HMGN5: variants seen among roughly 807,000 people sequenced by gnomAD.
HMGN5 encodes the protein high mobility group nucleosome-binding domain-containing protein 5.
A neutral mutation model predicts 9.5 loss-of-function variants in HMGN5; 4 were observed. The observed-to-expected ratio is 0.42, with a 90% CI of 0.21 to 0.96. The LOEUF is 0.96. Among genes scored for constraint, HMGN5 ranks in the 40% least tolerant of loss-of-function variants. The pLI, the probability that HMGN5 is intolerant of heterozygous loss-of-function variation, is 0.30. For synonymous variants in HMGN5, 55 were observed against 57.1 expected, an observed-to-expected ratio of 0.96 and a Z score of 0.16; for missense variants, 192 against 187.5, an observed-to-expected ratio of 1.02 and a Z score of -0.14.
chrX:81,172,638 G>GT (rs1340053113), intron 1 of HMGN5, among the ~76,000 whole-genome samples: 1 of 109,261 alleles, frequency 9.2e-6, no homozygotes, highest in African/African-American at 3.3e-5. Context: ...TTAAACTTTG[G>GT]TAAAAAGTCC....
intron 1 of HMGN5, among the ~76,000 whole-genome samples, chrX:81,153,129 A>G (rs1397979194): frequency 9.2e-6 from 1 of 109,059 alleles, no homozygotes; most frequent in Non-Finnish European, 1.9e-5. Context: ...CATGTACCCT[A>G]AAACTTAAAG....
intron 1 of HMGN5, among the ~76,000 whole-genome samples, chrX:81,140,331 C>T (rs1056564738): frequency 9.0e-6 from 1 of 110,582 alleles, no homozygotes. Flanking sequence ...GAGGCCGAGG[C>T]GGGCGGATCA....
chrX:81,158,034 C>A (rs1159515490), intron 1 of HMGN5, among the ~76,000 whole-genome samples: 1 of 111,221 alleles, frequency 9.0e-6, no homozygotes, highest in Non-Finnish European at 1.9e-5. Context: ...CCTGCCTCGG[C>A]CTCCCAAAGT....
chrX:81,168,688 C>T (rs948289641), intron 1 of HMGN5, among the ~76,000 whole-genome samples: 48 of 111,798 alleles, frequency 4.3e-4, no homozygotes, highest in African/African-American at 1.5e-3. Flanking sequence ...CACTTACATC[C>T]TATATAGTGG....
chrX:81,139,159 T>C (rs964057533), intron 1 of HMGN5, among the ~76,000 whole-genome samples: 1 of 112,398 alleles, frequency 8.9e-6, no homozygotes, highest in African/African-American at 3.2e-5. Context: ...GGTTCTAGAA[T>C]AGCTAAAGCA....
At chrX:81,158,227 C>CAA (rs1480094082) in intron 1 of HMGN5, among the ~76,000 whole-genome samples, 2 of 112,120 alleles carry the variant, frequency 1.8e-5, no homozygotes, top group Non-Finnish European at 3.8e-5. Flanking sequence ...CCAGTGTTGT[C>CAA]CTAATGAAAA....
chrX:81,175,353 G>C (rs772470717), intron 1 of HMGN5, among the ~76,000 whole-genome samples: 1 of 110,980 alleles, frequency 9.0e-6, no homozygotes, highest in Non-Finnish European at 1.9e-5. Context: ...TTGTGTGTGT[G>C]TGTGTGTGTG....
chrX:81,135,680 G>A (rs1417592031), intron 1 of HMGN5, among the ~76,000 whole-genome samples: 2 of 109,084 alleles, frequency 1.8e-5, no homozygotes, highest in Non-Finnish European at 3.8e-5. Flanking sequence ...GGCTGGCAGG[G>A]AGGGAGAATT....
chrX:81,133,087 C>A (rs920209589), intron 1 of HMGN5, among the ~76,000 whole-genome samples: 26 of 111,108 alleles, frequency 2.3e-4, no homozygotes, highest in Non-Finnish European at 4.2e-4. Context: ...TAGTGGCCAA[C>A]AATCACATTA....
intron 1 of HMGN5, 123 bp from the exon 2 acceptor site, chrX:81,121,795 A>G (rs1602556386): frequency 3.0e-5 from 9 of 302,952 alleles, no homozygotes; most frequent in Non-Finnish European, 4.6e-5. Flanking sequence ...GGCCAATAAG[A>G]AGAGGCAGCC....
intron 2 of HMGN5, among the ~76,000 whole-genome samples, chrX:81,121,120 G>A (rs1033151533): frequency 1.8e-5 from 2 of 110,190 alleles, no homozygotes; most frequent in South Asian, 8.3e-4. Context: ...ACAGGAGAAA[G>A]CCATGGCTTT....
chrX:81,181,614 A>C lies in HMGN5; in HGVS notation c.-124+20123T>G, dbSNP rs145421985. 5.5e-3 allele frequency among the ~76,000 whole-genome samples: 612 copies of C among 111,972 alleles called. 10 individuals carry two copies. The East Asian group carries it at 0.085, about 16-fold the overall frequency. On this transcript the variant is annotated intron_variant, in intron 1 of 6. Transcript: ENST00000358130. ...CTGTCTAGCCACTACCCTTCCCAGC[A>C]TCTGGTAACCATCATTCTAGTTTTT...
chrX:81,144,937 A>G (rs1252895813), intron 1 of HMGN5, among the ~76,000 whole-genome samples: 5 of 111,744 alleles, frequency 4.5e-5, no homozygotes, highest in Admixed American at 2.9e-4. Context: ...AAGCAAAAAG[A>G]CAAGATTAGA....
intron 1 of HMGN5, among the ~76,000 whole-genome samples, chrX:81,192,791 C>G (rs1326647671): frequency 1.8e-5 from 2 of 111,719 alleles, no homozygotes; most frequent in Non-Finnish European, 3.8e-5. Context: ...TCTATGCTGA[C>G]AGTTATATTC....
chrX:81,130,108 G>GGA (rs940212451), intron 1 of HMGN5, among the ~76,000 whole-genome samples: 2 of 111,043 alleles, frequency 1.8e-5, no homozygotes, highest in Admixed American at 9.7e-5. Flanking sequence ...CAGGAACTTT[G>GGA]GAGAGAGAGA....
At chrX:81,138,797 C>T (rs1433911231) in intron 1 of HMGN5, among the ~76,000 whole-genome samples, 3 of 111,411 alleles carry the variant, frequency 2.7e-5, no homozygotes, top group Admixed American at 9.6e-5. Context: ...TTGGAAGATA[C>T]GAAATCAACA....
intron 1 of HMGN5, among the ~76,000 whole-genome samples, chrX:81,184,093 T>C (rs1750468075): frequency 9.0e-6 from 1 of 111,176 alleles, no homozygotes; most frequent in African/African-American, 3.3e-5. Flanking sequence ...TGGAATGATA[T>C]GGTTTGGATC....
chrX:81,123,789 T>A (rs1467921619), intron 1 of HMGN5, among the ~76,000 whole-genome samples: 2 of 112,423 alleles, frequency 1.8e-5, no homozygotes, highest in East Asian at 5.5e-4. Flanking sequence ...CAAAGCTGAT[T>A]GTATTATCTG....
At chrX:81,173,497 CAT>C (rs1252258630) in intron 1 of HMGN5, among the ~76,000 whole-genome samples, 1 of 111,496 alleles carries the variant, frequency 9.0e-6, no homozygotes, top group African/African-American at 3.2e-5. Context: ...TATTTTGAGA[CAT>C]GTGACTATAT....
Sources: allele counts gnomAD v4.1 joint callset (sites outside exome capture counted in the v4.1 genomes callset), GRCh38; gene constraint gnomAD v4.1.1; transcripts MANE v1.5; gene names NCBI Gene and HGNC (gene_info 2026-07-23, HGNC 2026-07-21).